PTPRC: variants seen among roughly 807,000 people sequenced by gnomAD.
PTPRC encodes receptor-type tyrosine-protein phosphatase C.
Under a neutral mutation model 155.9 loss-of-function variants are expected in PTPRC, and 44 were observed. That is an observed-to-expected ratio of 0.28 (90% confidence interval 0.22 to 0.36). The LOEUF is 0.36. Among genes scored for constraint, PTPRC ranks in the 10% least tolerant of loss-of-function variants. The probability of loss-of-function intolerance (pLI) is 1.00; values close to 1 mark genes in which losing one functional copy is unlikely to be tolerated. For synonymous variants in PTPRC, 525 were observed against 533.1 expected (o/e 0.98, Z 0.21); for missense variants, 1,401 against 1,564.6 (o/e 0.90, Z 1.76).
chr1:198,703,412 G>A, intron 7 of PTPRC, 40 bp downstream of exon 7: 5 of 1,608,876 alleles, frequency 3.1e-6, no homozygotes, highest in Non-Finnish European at 4.2e-6. Context: ...CCATCCCCAT[G>A]TGCCTGGTGA....
intron 11 of PTPRC, among the ~76,000 whole-genome samples, chr1:198,711,145 A>G (rs1653289832): frequency 6.6e-6 from 1 of 152,178 alleles, no homozygotes; most frequent in Admixed American, 6.5e-5. Context: ...GTTTTATGTA[A>G]AAAGGATAGT....
At chr1:198,750,672 C>T (rs1028313693) in intron 29 of PTPRC, 46 bp downstream of exon 29, 7 of 1,598,810 alleles carry the variant, frequency 4.4e-6, no homozygotes, top group South Asian at 1.1e-5. Flanking sequence ...TGTCATAAAA[C>T]GTCATTCTCT....
At chr1:198,716,310 G>GT (rs1653582469) in intron 12 of PTPRC, among the ~76,000 whole-genome samples, 1 of 152,066 alleles carries the variant, frequency 6.6e-6, no homozygotes, top group Non-Finnish European at 1.5e-5. Flanking sequence ...ATCAGAAAAG[G>GT]TTTTCTAAAA....
intron 2 of PTPRC, among the ~76,000 whole-genome samples, chr1:198,668,168 T>A (rs76788211): frequency 6.6e-6 from 1 of 152,118 alleles, no homozygotes; most frequent in African/African-American, 2.4e-5. Flanking sequence ...GGAAGAGCAT[T>A]CCAGCTACTC....
chr1:198,687,495 T>C (rs1025448929), intron 2 of PTPRC, among the ~76,000 whole-genome samples: 3 of 152,162 alleles, frequency 2.0e-5, no homozygotes, highest in Admixed American at 6.5e-5. Flanking sequence ...TTTCTCTAAA[T>C]AGTTAAGTAC....
intron 14 of PTPRC, among the ~76,000 whole-genome samples, chr1:198,720,038 A>G (rs1454128093): frequency 6.6e-6 from 1 of 152,060 alleles, no homozygotes. Flanking sequence ...CATAGTTGTG[A>G]TGCCCTGGTG....
rs909472313 is a variant in PTPRC at position 198,694,662 on chromosome 1, A to G, written c.101-2050A>G. The G allele has an allele frequency of 2.6e-5, 26 of 983,050 alleles. No homozygotes were observed. The African/African-American group carries it at 4.2e-4, about 16-fold the overall frequency. 60.9% of individuals were successfully genotyped at this position (983,050 alleles called of 1,614,324 possible). ...TAACAAATTAATAATTATCAAGTCT[A>G]TAATGATGACAGTGACTTAATGTGA... On this transcript the variant is annotated intron_variant, in intron 3 of 32. Transcript: ENST00000442510.
intron 25 of PTPRC, among the ~76,000 whole-genome samples, chr1:198,743,619 T>C (rs1255796766): frequency 6.6e-6 from 1 of 151,846 alleles, no homozygotes; most frequent in Non-Finnish European, 1.5e-5. Context: ...TTTTCTTATT[T>C]TAAGTTCTAA....
intron 23 of PTPRC, among the ~76,000 whole-genome samples, chr1:198,736,325 T>C (rs1654635686): frequency 6.6e-6 from 1 of 151,568 alleles, no homozygotes; most frequent in Non-Finnish European, 1.5e-5. Context: ...ACCATCACCA[T>C]TTCCACCCCT....
chr1:198,693,319 T>C lies in PTPRC; in HGVS notation c.100+946T>C, dbSNP rs1169542068. On this transcript the variant is annotated intron_variant, in intron 3 of 32. Transcript: ENST00000442510. ...TAACACAATTTTACAGCGTTTAGCA[T>C]GGCAGTGATGTTTTATAAATAAATA... 3.6e-5 allele frequency: 9 copies of C among 252,702 alleles called. No individual in the cohort carries two copies. In the Admixed American group the frequency reaches 5.2e-4, roughly 15 times the overall value. The allele number at this position is 252,702 out of a possible 1,614,324, so 15.7% of individuals were successfully genotyped here.
chr1:198,754,858 C>G (rs1655555073), intron 32 of PTPRC, among the ~76,000 whole-genome samples: 1 of 152,128 alleles, frequency 6.6e-6, no homozygotes, highest in Admixed American at 6.6e-5. Flanking sequence ...TGTCTGCCTT[C>G]AGCTGATGTG....
intron 11 of PTPRC, among the ~76,000 whole-genome samples, chr1:198,711,389 TG>T (rs1653302449): frequency 6.6e-6 from 1 of 151,974 alleles, no homozygotes; most frequent in Admixed American, 6.6e-5. Context: ...ATGTTTTCAG[TG>T]GGGGAAAAAT....
intron 2 of PTPRC, among the ~76,000 whole-genome samples, chr1:198,645,103 T>G (rs1465442616): frequency 6.6e-6 from 1 of 151,798 alleles, no homozygotes; most frequent in Admixed American, 6.6e-5. Flanking sequence ...AGGCAAAAGT[T>G]GAGGGTAACT....
At chr1:198,657,311 C>T (rs763322566) in intron 2 of PTPRC, among the ~76,000 whole-genome samples, 2 of 151,400 alleles carry the variant, frequency 1.3e-5, no homozygotes, top group African/African-American at 2.4e-5. Context: ...TCAGATTACT[C>T]GTGCTTTCCA....
chr1:198,649,651 A>C (rs1663135377), intron 2 of PTPRC, among the ~76,000 whole-genome samples: 2 of 151,822 alleles, frequency 1.3e-5, no homozygotes, highest in Non-Finnish European at 2.9e-5. Flanking sequence ...CCAAAGCCTC[A>C]GTTTCCTCGT....
At chr1:198,693,524 A>G (rs912257743) in intron 3 of PTPRC, among the ~76,000 whole-genome samples, 1 of 152,184 alleles carries the variant, frequency 6.6e-6, no homozygotes, top group African/African-American at 2.4e-5. Context: ...CACATGACTC[A>G]TCACCTTATT....
At chr1:198,672,755 T>C (rs140918196) in intron 2 of PTPRC, among the ~76,000 whole-genome samples, 13 of 152,270 alleles carry the variant, frequency 8.5e-5, no homozygotes, top group African/African-American at 2.6e-4. Context: ...CCCAAAGTGC[T>C]GGGATTACAA....
In PTPRC at chr1:198,756,276, A is replaced by C; in HGVS notation, c.*95A>C. 1.4e-6 allele frequency: 2 copies of C among 1,466,776 alleles called. No homozygotes were observed. Among genetic ancestry groups the C allele is most frequent in the South Asian group, 1.2e-5 (1 of 82,874 alleles). 90.9% of individuals were successfully genotyped at this position (1,466,776 alleles called of 1,614,324 possible). On this transcript the variant is annotated 3_prime_UTR_variant, in exon 33 of 33. Coordinates refer to ENST00000442510, the MANE Select transcript of PTPRC (RefSeq NM_002838.5). ...GTGAAAATAGGTATACAGTGGATTA[A>C]TTAAATGCAGCGAACCAATATTTGT...
At chr1:198,672,953 GA>G (rs1664732585) in intron 2 of PTPRC, among the ~76,000 whole-genome samples, 2 of 152,290 alleles carry the variant, frequency 1.3e-5, no homozygotes, top group East Asian at 3.9e-4. Context: ...TCAGTTTGTA[GA>G]AGAGGGCCTT....
Sources: gnomAD v4.1 joint callset for allele counts (sites outside exome capture counted in the v4.1 genomes callset) on GRCh38, gnomAD v4.1.1 for gene constraint, MANE v1.5 for transcripts, NCBI Gene and HGNC (gene_info 2026-07-23, HGNC 2026-07-21) for gene names.